CCDC152: variants seen among roughly 807,000 people sequenced by gnomAD.
The protein encoded by CCDC152 is coiled-coil domain-containing protein 152.
A neutral mutation model predicts 38.1 loss-of-function variants in CCDC152; 37 were observed. That is an observed-to-expected ratio of 0.97 (90% CI 0.75 to 1.28). The LOEUF (loss-of-function observed/expected upper bound fraction) is 1.28. CCDC152 is among the 50% of genes most tolerant of loss of function. The probability of loss-of-function intolerance (pLI) is 0.00; values close to 1 mark genes in which losing one functional copy is unlikely to be tolerated. For missense variants in CCDC152, 259 were observed against 292.1 expected (o/e 0.89, Z 0.83); for synonymous variants, 83 against 87.1 (o/e 0.95, Z 0.26).
In CCDC152 at chr5:42,799,825, C is replaced by A; in HGVS notation, c.*44C>A. On this transcript the variant is annotated 3_prime_UTR_variant, in exon 9 of 9. Transcript: ENST00000361970. ...TAGTTGGTATTTATTTAAAAGCAAT[C>A]GAAAGTTTCACTTCTGTTTTCAATA... 1.3e-6 allele frequency: 2 copies of A among 1,541,728 alleles called. No homozygotes were observed. Among genetic ancestry groups the A allele is most frequent in the South Asian group, 1.2e-5 (1 of 81,840 alleles).
chr5:42,777,320 G>A (rs1055320507), intron 4 of CCDC152, among the ~76,000 whole-genome samples: 1 of 151,932 alleles, frequency 6.6e-6, no homozygotes, highest in Non-Finnish European at 1.5e-5. Context: ...AAAATTAGCC[G>A]GGCATGGTGG....
chr5:42,787,267 G>T (rs1176100251), intron 6 of CCDC152, among the ~76,000 whole-genome samples: 1 of 151,804 alleles, frequency 6.6e-6, no homozygotes, highest in Non-Finnish European at 1.5e-5. Context: ...CTTCTGCTTG[G>T]TCTAGTCTGT....
Position 42,762,516 on chromosome 5 carries a change from T to C in CCDC152, c.161T>C (p.Val54Ala). The change falls in exon 3 of 9, where the codon GTA (valine) becomes GCA (alanine). Residue 54 changes from valine (V) to alanine (A), a missense_variant. By Grantham distance (64) the Val-to-Ala change is moderately conservative (BLOSUM62 0). Coordinates refer to ENST00000361970, the MANE Select transcript of CCDC152 (RefSeq NM_001134848.2). ...GAAAAAAGTAATTGCCTATTAAAAG[T>C]AATGCAAGCAAAGGAGGTCTCCATT... ...QLEKSNCLLKVMQAKEVSIKE... is the reference protein window; with the variant it reads ...QLEKSNCLLKAMQAKEVSIKE... 6.5e-7 allele frequency: 1 copy of C among 1,538,212 alleles called. No individual in the cohort carries two copies. The highest frequency in any genetic ancestry group is 8.8e-7 in the Non-Finnish European group (1 of 1,134,950).
rs548487036 is a variant in CCDC152, at chr5:42,801,543, A to G, written c.*1762A>G. 6 of 478,230 alleles carry G rather than the reference A, an allele frequency of 1.3e-5. No homozygotes were observed. Among genetic ancestry groups the G allele is most frequent in the African/African-American group, 1.0e-4 (5 of 50,194 alleles). The allele number at this position is 478,230 out of a possible 1,614,324, so 29.6% of individuals were successfully genotyped here. On this transcript the variant is annotated 3_prime_UTR_variant, in exon 9 of 9. Coordinates refer to ENST00000361970, the MANE Select transcript of CCDC152 (RefSeq NM_001134848.2). The stretch of plus-strand genomic sequence containing the variant: ...AAAAGAAAGCCAAACCACTGTACTT[A>G]TATTTGCAGAAGCAAATGAAGTAAA...
chr5:42,787,445 T>G (rs1759937127), intron 6 of CCDC152, among the ~76,000 whole-genome samples: 1 of 152,070 alleles, frequency 6.6e-6, no homozygotes, highest in African/African-American at 2.4e-5. Flanking sequence ...TCTCTTTGAG[T>G]TGCCTTGCAA....
intron 4 of CCDC152, among the ~76,000 whole-genome samples, chr5:42,772,764 G>A (rs567490900): frequency 6.6e-6 from 1 of 152,232 alleles, no homozygotes; most frequent in East Asian, 1.9e-4. Flanking sequence ...CCTTGATTGA[G>A]CAAGGTAATA....
At chr5:42,775,082 T>C (rs1178103090) in intron 4 of CCDC152, among the ~76,000 whole-genome samples, 1 of 147,738 alleles carries the variant, frequency 6.8e-6, no homozygotes, top group African/African-American at 2.5e-5. Flanking sequence ...GTGTAATAAC[T>C]ACGAAAGCTG....
At chr5:42,765,939 G>T (rs1397645621) in intron 3 of CCDC152, among the ~76,000 whole-genome samples, 1 of 152,036 alleles carries the variant, frequency 6.6e-6, no homozygotes. Context: ...AAAAGCTTCT[G>T]CACAGCACAG....
At chr5:42,773,042 A>G (rs903327654) in intron 4 of CCDC152, among the ~76,000 whole-genome samples, 1 of 152,222 alleles carries the variant, frequency 6.6e-6, no homozygotes, top group South Asian at 2.1e-4. Flanking sequence ...TCTGGTTGTT[A>G]TAAGACTGTA....
Position 42,794,567 on chromosome 5 carries a change from T to C in CCDC152, c.431-2262T>C, listed in dbSNP as rs1273376745. On this transcript the variant is annotated intron_variant, in intron 6 of 8. Coordinates refer to ENST00000361970, the MANE Select transcript of CCDC152 (RefSeq NM_001134848.2). ...GTGAGCCAGAAGGCCAGCAACACCA[T>C]GTGTGAACTGAAACACTGCCCAGCA... Among the ~76,000 whole-genome samples, 3 of 152,210 alleles carry C rather than the reference T, an allele frequency of 2.0e-5. No individual in the cohort carries two copies. The East Asian group carries it at 5.8e-4, about 29-fold the overall frequency.
intron 4 of CCDC152, among the ~76,000 whole-genome samples, chr5:42,776,675 A>G (rs961920501): frequency 1.3e-5 from 2 of 152,218 alleles, no homozygotes; most frequent in African/African-American, 4.8e-5. Context: ...TATAAAACAC[A>G]CCTTAGCAAA....
intron 4 of CCDC152, among the ~76,000 whole-genome samples, chr5:42,771,149 A>G (rs1481894132): frequency 2.0e-5 from 3 of 152,210 alleles, no homozygotes; most frequent in African/African-American, 7.2e-5. Flanking sequence ...AGAAGAGGCA[A>G]AAATGCTAAA....
chr5:42,795,803 C>T (rs917540054), intron 6 of CCDC152, among the ~76,000 whole-genome samples: 7 of 151,788 alleles, frequency 4.6e-5, no homozygotes, highest in Middle Eastern at 3.4e-3. Flanking sequence ...ATGTTTATTG[C>T]GGCACTATTC....
intron 6 of CCDC152, among the ~76,000 whole-genome samples, chr5:42,793,630 A>G (rs1760034749): frequency 6.6e-6 from 1 of 152,134 alleles, no homozygotes; most frequent in Admixed American, 6.6e-5. Flanking sequence ...TTTTTTGGAG[A>G]CACAGTCTCA....
Position 42,796,887 on chromosome 5 carries a change from A to C in CCDC152, c.489A>C (p.Ser163=), listed in dbSNP as rs1327121784. The C allele has an allele frequency of 2.6e-6, 4 of 1,530,614 alleles. No homozygotes were observed. The highest frequency in any genetic ancestry group is 2.5e-5 in the East Asian group (1 of 40,046). 94.8% of individuals were successfully genotyped at this position (1,530,614 alleles called of 1,614,324 possible). A position where few individuals can be genotyped will look rare whatever the true frequency, so the allele number is the denominator to read the frequency against. Residue 163 remains serine, a synonymous_variant, in exon 7 of 9, where the codon TCA becomes TCC. Transcript: ENST00000361970. ...TAGAGAAAAAGGAGATGGAAATTTCAGAGTTAAATGCAAAGCTAAGAAGTC... is the reference window on the plus strand; with the variant it reads ...TAGAGAAAAAGGAGATGGAAATTTCCGAGTTAAATGCAAAGCTAAGAAGTC... ...ELIEKKEMEI[S]ELNAKLRSQE...
At chr5:42,795,454 T>C (rs1760061781) in intron 6 of CCDC152, among the ~76,000 whole-genome samples, 1 of 152,172 alleles carries the variant, frequency 6.6e-6, no homozygotes, top group Admixed American at 6.6e-5. Flanking sequence ...CACCTTTTAG[T>C]GGTAGAAAAG....
chr5:42,799,499 C>T, intron 8 of CCDC152, 41 bp downstream of exon 8: 1 of 1,313,302 alleles, frequency 7.6e-7, no homozygotes, highest in Non-Finnish European at 1.0e-6. Context: ...CTTAAGAAAA[C>T]TTTCTAAGCA....
At chr5:42,775,736 A>T (rs1759760925) in intron 4 of CCDC152, among the ~76,000 whole-genome samples, 1 of 152,074 alleles carries the variant, frequency 6.6e-6, no homozygotes, top group Non-Finnish European at 1.5e-5. Context: ...TGTATTATTA[A>T]GTAATTATAG....
intron 1 of CCDC152, among the ~76,000 whole-genome samples, chr5:42,757,342 A>G (rs987212806): frequency 7.9e-5 from 12 of 152,146 alleles, no homozygotes; most frequent in African/African-American, 2.4e-4. Context: ...CGAAGGACCA[A>G]CTGTGTGGGG....
Sources: allele counts gnomAD v4.1 joint callset (sites outside exome capture counted in the v4.1 genomes callset), GRCh38; gene constraint gnomAD v4.1.1; transcripts MANE v1.5; gene names NCBI Gene and HGNC (gene_info 2026-07-23, HGNC 2026-07-21).